Variants in PAX7 observed in about 807,000 individuals in gnomAD.
PAX7 encodes paired box protein Pax-7.
PAX7 carries 18 observed loss-of-function variants against 50.7 expected under a neutral mutation model. That is an observed-to-expected ratio of 0.36 (90% CI 0.25 to 0.53). The LOEUF (loss-of-function observed/expected upper bound fraction) is 0.53. PAX7 is among the 20% of genes least tolerant of loss of function. The pLI is 0.93. For synonymous variants in PAX7, 310 were observed against 290.4 expected (o/e 1.07, Z -0.69); for missense variants, 644 against 702.9 (o/e 0.92, Z 0.95).
At chr1:18,690,139 A>C (rs916749728) in intron 4 of PAX7, among the ~76,000 whole-genome samples, 4 of 152,244 alleles carry the variant, frequency 2.6e-5, no homozygotes, top group African/African-American at 9.6e-5. Context: ...TGCCCACTGC[A>C]TACCTAGCCT....
chr1:18,731,609 G>A lies in PAX7; in HGVS notation c.1156-4023G>A, dbSNP rs1364476513. On this transcript the variant is annotated intron_variant, in intron 7 of 8. Coordinates refer to ENST00000420770, the MANE Select transcript of PAX7 (RefSeq NM_001135254.2). ...TCAGTGAGTGTTCTCCCCTCCCGCC[G>A]CTCTCCAGTTGGGTCCTGTCCCATT... Among the ~76,000 whole-genome samples, 8 of 151,936 alleles carry A rather than the reference G, an allele frequency of 5.3e-5. No individual in the cohort carries two copies. The South Asian group carries it at 8.3e-4, about 16-fold the overall frequency.
At chr1:18,661,507 T>C (rs932956507) in intron 4 of PAX7, among the ~76,000 whole-genome samples, 3 of 152,190 alleles carry the variant, frequency 2.0e-5, no homozygotes, top group Non-Finnish European at 4.4e-5. Context: ...TCTGGGACTA[T>C]CTGGAAGCCT....
rs1215989770 is a variant in PAX7 at position 18,636,250 on chromosome 1, G to C, written c.465G>C (p.Ser155=). ...RSTVPSGLVS[S]ISRVLRIKFG... ...TGAATTTCTGAGGTTTAGTGAGTTC[G>C]ATTAGCCGCGTGCTCAGAATCAAGT... is the stretch of plus-strand genomic sequence containing the variant. Residue 155 remains serine (S), a synonymous_variant, in exon 4 of 9, where the codon TCG becomes TCC. Transcript: ENST00000420770. The surrounding 1 kb of genome is among the most constrained non-coding windows in gnomAD (Gnocchi z 5.1). 1.2e-6 allele frequency: 2 copies of C among 1,614,172 alleles called. No individual in the cohort carries two copies. The highest frequency in any genetic ancestry group is 1.7e-6 in the Non-Finnish European group (2 of 1,180,016).
intron 7 of PAX7, among the ~76,000 whole-genome samples, chr1:18,708,668 CCT>C (rs1337137586): frequency 1.6e-4 from 25 of 152,032 alleles, no homozygotes; most frequent in African/African-American, 2.4e-5. Flanking sequence ...CATACCAGCC[CCT>C]GTCTAGGAAT....
At chr1:18,711,995 G>T (rs1333704245) in intron 7 of PAX7, among the ~76,000 whole-genome samples, 1 of 152,182 alleles carries the variant, frequency 6.6e-6, no homozygotes, top group Admixed American at 6.5e-5. Flanking sequence ...CAGGCTAACA[G>T]TTAGGCTGCC....
rs551511394 is a variant in PAX7 at position 18,662,942 on chromosome 1, G to T, written c.586+26571G>T. Among the ~76,000 whole-genome samples, 14 of 151,672 alleles carry T rather than the reference G, an allele frequency of 9.2e-5. 1 individual carries two copies. In the South Asian group the frequency reaches 2.5e-3, roughly 27 times the overall value. On this transcript the variant is annotated intron_variant, in intron 4 of 8. Transcript: ENST00000420770. ...AAAAAAAAAACCTCAAACACTAAAA[G>T]AATATAGAAAGTAAAAAAGCTTGTC... is the stretch of plus-strand genomic sequence containing the variant.
intron 4 of PAX7, among the ~76,000 whole-genome samples, chr1:18,669,311 T>C (rs1258681061): frequency 1.3e-5 from 2 of 152,198 alleles, no homozygotes; most frequent in African/African-American, 2.4e-5. Context: ...GAGGAATCCA[T>C]AGCCTCTTTA....
At chr1:18,638,471 AG>A (rs2088197254) in intron 4 of PAX7, among the ~76,000 whole-genome samples, 1 of 152,332 alleles carries the variant, frequency 6.6e-6, no homozygotes, top group African/African-American at 2.4e-5. Flanking sequence ...ACAGGTGCTA[AG>A]TCTAGAGGAG....
chr1:18,631,754 T>A, intron 1 of PAX7, 66 bp downstream of exon 1: 1 of 1,336,340 alleles, frequency 7.5e-7, no homozygotes, highest in Non-Finnish European at 1.1e-6. Flanking sequence ...TTGGAGAGGC[T>A]GCGGTCTCCA....
At chr1:18,738,545 C>G (rs1460125709) in intron 8 of PAX7, among the ~76,000 whole-genome samples, 1 of 152,014 alleles carries the variant, frequency 6.6e-6, no homozygotes, top group Admixed American at 6.5e-5. Flanking sequence ...CCTCCCCCAC[C>G]ACCCCCTACT....
intron 7 of PAX7, among the ~76,000 whole-genome samples, chr1:18,729,961 TGA>T (rs2089625899): frequency 6.6e-6 from 1 of 152,154 alleles, no homozygotes; most frequent in African/African-American, 2.4e-5. Context: ...AGCCCCTGAC[TGA>T]GAGCTGTTCC....
At chr1:18,695,775 T>C (rs1480991266) in intron 5 of PAX7, among the ~76,000 whole-genome samples, 1 of 152,208 alleles carries the variant, frequency 6.6e-6, no homozygotes, top group Non-Finnish European at 1.5e-5. Flanking sequence ...TGTGAATTTC[T>C]TCTAGAAATA....
At chr1:18,690,424 C>G (rs1037073013) in intron 4 of PAX7, among the ~76,000 whole-genome samples, 2 of 152,318 alleles carry the variant, frequency 1.3e-5, no homozygotes, top group Admixed American at 1.3e-4. Context: ...GCTTCAGCGC[C>G]CCGGCTGGGA....
At chr1:18,708,301 G>A (rs7548296) in intron 7 of PAX7, among the ~76,000 whole-genome samples, 9,137 of 152,106 alleles carry the variant, frequency 0.06, 905 homozygotes, top group African/African-American at 0.2. Context: ...CACATCTGTA[G>A]TCCCAGCACT....
chr1:18,695,314 C>T (rs913644379), intron 5 of PAX7, among the ~76,000 whole-genome samples: 1 of 152,242 alleles, frequency 6.6e-6, no homozygotes, highest in African/African-American at 2.4e-5. Flanking sequence ...CCAATTCTAG[C>T]CACCTTTGCA....
In PAX7 at chr1:18,651,089, C is replaced by T. The variant is rs142113698; in HGVS notation, c.586+14718C>T. On this transcript the variant is annotated intron_variant, in intron 4 of 8. Transcript: ENST00000420770. ...AGACCCAGGTTCCTCCCCATTGCTG[C>T]CCCCACCATGTCCCCTGAGCTGTGG... is the stretch of plus-strand genomic sequence containing the variant. Among the ~76,000 whole-genome samples, 304 of 152,254 alleles carry T rather than the reference C, an allele frequency of 2.0e-3. 2 individuals carry two copies. Among genetic ancestry groups the T allele is most frequent in the African/African-American group, 6.7e-3 (278 of 41,554 alleles).
rs141282252 is a variant in PAX7 at position 18,675,887 on chromosome 1, C to T, written c.587-15867C>T. Among the ~76,000 whole-genome samples the T allele has an allele frequency of 7.4e-3, 1,125 of 152,236 alleles. 11 individuals are homozygous for T. Among genetic ancestry groups the T allele is most frequent in the Non-Finnish European group, 0.012 (805 of 68,000 alleles). ...GGGGAGATGCAGCAGGCCCCAGGGTCGCTCCCCTGATCAGGGCAGGTGACA... is the reference window on the plus strand; with the variant it reads ...GGGGAGATGCAGCAGGCCCCAGGGTTGCTCCCCTGATCAGGGCAGGTGACA... On this transcript the variant is annotated intron_variant, in intron 4 of 8. Transcript: ENST00000420770.
In PAX7 at chr1:18,691,911, G is replaced by A. The variant is rs2076020; in HGVS notation, c.744G>A (p.Glu248=). ...ACTACCCAGACATATACACCCGCGA[G>A]GAGCTGGCGCAGAGGACCAAGCTGA... ...RTHYPDIYTR[E]ELAQRTKLTE... is the part of the protein sequence containing the mutation. The change falls in exon 5 of 9, where the codon GAG becomes GAA. Residue 248 remains glutamate, a synonymous_variant. Coordinates refer to ENST00000420770, the MANE Select transcript of PAX7 (RefSeq NM_001135254.2). 101,473 of 1,613,792 alleles carry A rather than the reference G, an allele frequency of 0.063. 4,941 individuals carry two copies. The highest frequency in any genetic ancestry group is 0.27 in the East Asian group (12,267 of 44,816).
At chr1:18,655,870 C>A (rs1351219195) in intron 4 of PAX7, among the ~76,000 whole-genome samples, 1 of 151,316 alleles carries the variant, frequency 6.6e-6, no homozygotes, top group Non-Finnish European at 1.5e-5. Flanking sequence ...CTAGGCTTTG[C>A]AGGGGCAGAA....
Sources: gnomAD v4.1 joint callset for allele counts (sites outside exome capture counted in the v4.1 genomes callset) on GRCh38, gnomAD v4.1.1 for gene constraint, Gnocchi (gnomAD v3.1) non-coding constraint, MANE v1.5 for transcripts, NCBI Gene and HGNC (gene_info 2026-07-23, HGNC 2026-07-21) for gene names.